Variants in SLC37A3 observed in about 807,000 individuals in gnomAD.
SLC37A3 encodes sugar phosphate exchanger 3.
SLC37A3 carries 51 observed loss-of-function variants against 67.1 expected under a neutral mutation model. That is an observed-to-expected ratio of 0.76 (90% CI 0.61 to 0.96). The LOEUF (loss-of-function observed/expected upper bound fraction) is 0.96, where lower values mean the gene tolerates loss of function less well. Ranked by LOEUF, SLC37A3 falls within the 40% of genes least tolerant of loss-of-function variation. SLC37A3 has a pLI of 0.00. For missense variants in SLC37A3, 508 were observed against 603.0 expected (o/e 0.84, Z 1.65); for synonymous variants, 214 against 231.4 (o/e 0.92, Z 0.68).
chr7:140,362,082 C>T, intron 5 of SLC37A3, among the ~76,000 whole-genome samples: 1 of 118,204 alleles, frequency 8.5e-6, no homozygotes. Context: ...TCTGCCCGGC[C>T]ACCATCCCAT....
intron 3 of SLC37A3, among the ~76,000 whole-genome samples, chr7:140,372,354 G>T (rs1456682064): frequency 6.6e-6 from 1 of 152,178 alleles, no homozygotes; most frequent in Non-Finnish European, 1.5e-5. Context: ...CCAGAGCCTT[G>T]CTCCAAGGGG....
At chr7:140,336,143 C>T (rs942916543) in intron 14 of SLC37A3, among the ~76,000 whole-genome samples, 4 of 152,222 alleles carry the variant, frequency 2.6e-5, no homozygotes, top group Non-Finnish European at 2.9e-5. Context: ...CCCACAATAA[C>T]GTGCCTGAGT....
chr7:140,369,740 T>A, intron 3 of SLC37A3, 58 bp from the exon 4 acceptor site: 1 of 1,406,934 alleles, frequency 7.1e-7, no homozygotes, highest in Non-Finnish European at 1.0e-6. Flanking sequence ...GGCTTTCTGT[T>A]TCCCAAAGCC....
chr7:140,384,503 A>G (rs1798372481), intron 1 of SLC37A3, among the ~76,000 whole-genome samples: 1 of 151,964 alleles, frequency 6.6e-6, no homozygotes, highest in South Asian at 2.1e-4. Context: ...CTTAAGTCCA[A>G]GAGTTTGAGA....
At chr7:140,394,666 T>C (rs545440328) in intron 1 of SLC37A3, among the ~76,000 whole-genome samples, 4 of 148,632 alleles carry the variant, frequency 2.7e-5, no homozygotes, top group Non-Finnish European at 6.0e-5. Flanking sequence ...TGGAGGGCAG[T>C]GGCGTGATCT....
At chr7:140,357,520 T>TGAAATTGAGACCAGCCTG (rs1797079369) in intron 6 of SLC37A3, among the ~76,000 whole-genome samples, 1 of 143,820 alleles carries the variant, frequency 7.0e-6, no homozygotes, top group Non-Finnish European at 1.5e-5. Context: ...CTTGAGGCCA[T>TGAAATTGAGACCAGCCTG]GAAATTGAGA....
chr7:140,395,623 G>A (rs1229728598), intron 1 of SLC37A3, among the ~76,000 whole-genome samples: 5 of 151,906 alleles, frequency 3.3e-5, no homozygotes, highest in African/African-American at 1.2e-4. Flanking sequence ...CAGGAGAATT[G>A]CTTGAACCCA....
intron 1 of SLC37A3, among the ~76,000 whole-genome samples, chr7:140,387,981 G>T (rs1798572628): frequency 7.1e-6 from 1 of 141,520 alleles, no homozygotes; most frequent in African/African-American, 2.6e-5. Flanking sequence ...GTGACAGAGT[G>T]AGGGCCTGTC....
intron 5 of SLC37A3, among the ~76,000 whole-genome samples, chr7:140,363,740 CAAAAAAAAAAAAAA>C (rs71170980): frequency 9.3e-6 from 1 of 107,860 alleles, no homozygotes; most frequent in East Asian, 2.7e-4. Flanking sequence ...AACTCCGCCT[CAAAAAAAAAAAAAA>C]AAAAAAAAAA....
At chr7:140,372,726 GGTGGTGGGCGCCTGTAATCCCA>G (rs1238015107) in intron 3 of SLC37A3, among the ~76,000 whole-genome samples, 2 of 151,902 alleles carry the variant, frequency 1.3e-5, no homozygotes, top group African/African-American at 4.8e-5. Flanking sequence ...AGCCACGTGT[GGTGGTGGGCGCCTGTAATCCCA>G]GCTACTCAGG....
In SLC37A3 at chr7:140,351,904, A is replaced by G. The variant is rs569100692; in HGVS notation, c.703+158T>C. The G allele has an allele frequency of 2.6e-5, 20 of 762,306 alleles. No individual in the cohort carries two copies. The East Asian group carries it at 5.4e-4, about 20-fold the overall frequency. The allele number at this position is 762,306 out of a possible 1,614,324, so 47.2% of individuals were successfully genotyped here. The stretch of plus-strand genomic sequence containing the variant: ...CCAGCTGTGCCAGGGGCTGGCTACA[A>G]TGTCGACAGGACTCAAACGGCAGTA... On this transcript the variant is annotated intron_variant, in intron 8 of 14. Transcript: ENST00000326232.
chr7:140,348,641 C>A lies in SLC37A3; in HGVS notation c.1009G>T (p.Val337Phe). The A allele has an allele frequency of 6.2e-7, 1 of 1,613,874 alleles. No individual in the cohort carries two copies. The highest frequency in any genetic ancestry group is 1.7e-5 in the Admixed American group (1 of 59,886). Residue 337 changes from valine (V) to phenylalanine (F), a missense_variant, in exon 10 of 15, where the codon GTT (valine) becomes TTT (phenylalanine). Transcript: ENST00000326232. ...ACCGGCATACCTATGATCCCTCCAA[C>A]GTCGTACCAAATGGACAGCTTGTCG... ...EADKLSIWYD[V>F]GGIIGGTLQG...
At chr7:140,341,551 C>T (rs539728532) in intron 13 of SLC37A3, among the ~76,000 whole-genome samples, 6 of 152,206 alleles carry the variant, frequency 3.9e-5, no homozygotes, top group South Asian at 4.2e-4. Context: ...TAGAGGTTAA[C>T]GCTAAGTCAC....
chr7:140,359,990 C>T (rs574651066), intron 5 of SLC37A3, among the ~76,000 whole-genome samples: 3 of 152,280 alleles, frequency 2.0e-5, no homozygotes, highest in Admixed American at 6.5e-5. Context: ...AAATAAAGTG[C>T]TTCCATCTCT....
intron 1 of SLC37A3, among the ~76,000 whole-genome samples, chr7:140,385,381 T>C (rs778080142): frequency 2.6e-5 from 4 of 152,164 alleles, no homozygotes; most frequent in Non-Finnish European, 5.9e-5. Flanking sequence ...TATGACTAAA[T>C]TTACTTCCAT....
At chr7:140,358,551 G>T in intron 6 of SLC37A3, 89 bp downstream of exon 6, 1 of 1,549,600 alleles carries the variant, frequency 6.5e-7, no homozygotes, top group Non-Finnish European at 8.8e-7. Context: ...GGTATCTAAG[G>T]CAGCAAAGTA....
chr7:140,380,348 G>T lies in SLC37A3; in HGVS notation c.132C>A (p.Val44=). 6.2e-7 allele frequency: 1 copy of T among 1,613,474 alleles called. No homozygotes were observed. Among genetic ancestry groups the T allele is most frequent in the South Asian group, 1.1e-5 (1 of 91,030 alleles). ...LHASRKTFSN[V]KVSISEQWTP... ...TCCACTGCTCAGAGATACTGACTTT[G>T]ACATTGCTAAATGTTTTTCGTGAAG... The change falls in exon 3 of 15, where the codon GTC becomes GTA. Residue 44 remains valine (V), a synonymous_variant. Transcript: ENST00000326232.
rs139811655 is a variant in SLC37A3 at position 140,367,284 on chromosome 7, A to G, written c.291+2306T>C. Among the ~76,000 whole-genome samples, 770 of 152,098 alleles carry G rather than the reference A, an allele frequency of 5.1e-3. 16 individuals carry two copies. Among genetic ancestry groups the G allele is most frequent in the South Asian group, 0.05 (240 of 4,812 alleles). On this transcript the variant is annotated intron_variant, in intron 4 of 14. Transcript: ENST00000326232. The stretch of plus-strand genomic sequence containing the variant: ...AAACCCCATCTCTACTAAAAATACA[A>G]ACATTAGCTGGGCATGATGGTGTGC...
rs1796083142 is a variant in SLC37A3, at chr7:140,335,185, C to T, written c.*227G>A. ...GCTGGCAGAGTCAGAAGTCACTCGG[C>T]ACATTCATGAAACAACAGCAAAAAT... is the stretch of plus-strand genomic sequence containing the variant. On this transcript the variant is annotated 3_prime_UTR_variant, in exon 15 of 15. Coordinates refer to ENST00000326232, the MANE Select transcript of SLC37A3 (RefSeq NM_207113.3). 1 of 1,573,032 alleles carries T rather than the reference C, an allele frequency of 6.4e-7. No homozygotes were observed. Among genetic ancestry groups the T allele is most frequent in the Non-Finnish European group, 8.7e-7 (1 of 1,154,106 alleles).
Sources: allele counts gnomAD v4.1 joint callset (sites outside exome capture counted in the v4.1 genomes callset), GRCh38; gene constraint gnomAD v4.1.1; transcripts MANE v1.5; gene names NCBI Gene and HGNC (gene_info 2026-07-23, HGNC 2026-07-21).